The following PDE4D variants were observed in gnomAD, a reference collection of about 807,000 sequenced individuals.
The protein encoded by PDE4D is phosphodiesterase 4D, also known as 3',5'-cyclic-AMP phosphodiesterase 4D.
PDE4D carries 24 observed loss-of-function variants against 87.4 expected under a neutral mutation model. That is an observed-to-expected ratio of 0.27 (90% CI 0.20 to 0.39). PDE4D has a LOEUF of 0.39. PDE4D is among the 10% of genes least tolerant of loss of function. The probability of loss-of-function intolerance (pLI) is 1.00; values close to 1 mark genes in which losing one functional copy is unlikely to be tolerated. For missense variants in PDE4D, 714 were observed against 1,041.0 expected, an observed-to-expected ratio of 0.69 and a Z score of 4.32; for synonymous variants, 384 against 383.2, an observed-to-expected ratio of 1.00 and a Z score of -0.02.
intron 2 of PDE4D, among the ~76,000 whole-genome samples, chr5:60,166,936 T>TA (rs1021866918): frequency 1.3e-5 from 2 of 152,160 alleles, no homozygotes; most frequent in Non-Finnish European, 2.9e-5. Context: ...AAAATGCCCT[T>TA]ATGTGTTGTA....
At chr5:60,218,296 A>G (rs764114474) in intron 1 of PDE4D, among the ~76,000 whole-genome samples, 2 of 152,076 alleles carry the variant, frequency 1.3e-5, no homozygotes, top group African/African-American at 4.8e-5. Flanking sequence ...AAGAACAAGA[A>G]CAGGCAAAAT....
chr5:59,556,303 T>C (rs757057273), intron 1 of PDE4D, among the ~76,000 whole-genome samples: 1 of 152,156 alleles, frequency 6.6e-6, no homozygotes. Flanking sequence ...AAATTCTCTC[T>C]CATTCTCTGT....
intron 2 of PDE4D, among the ~76,000 whole-genome samples, chr5:60,105,250 G>A (rs1258376380): frequency 6.6e-6 from 1 of 152,212 alleles, no homozygotes; most frequent in African/African-American, 2.4e-5. Flanking sequence ...TCAACTGGAA[G>A]AAAGGGTATC....
intron 1 of PDE4D, among the ~76,000 whole-genome samples, chr5:59,234,762 A>C (rs1037875667): frequency 6.6e-6 from 1 of 152,200 alleles, no homozygotes; most frequent in Non-Finnish European, 1.5e-5. Flanking sequence ...TCAGTTTTTT[A>C]AACTTGGGGG....
intron 1 of PDE4D, among the ~76,000 whole-genome samples, chr5:59,835,576 T>C (rs1441076787): frequency 6.6e-6 from 1 of 152,060 alleles, no homozygotes; most frequent in Non-Finnish European, 1.5e-5. Flanking sequence ...TGCATACATA[T>C]ACATCACTTA....
intron 2 of PDE4D, among the ~76,000 whole-genome samples, chr5:59,214,957 T>G (rs1750900835): frequency 1.3e-5 from 2 of 152,130 alleles, no homozygotes; most frequent in Non-Finnish European, 2.9e-5. Flanking sequence ...ATGGGTGTCA[T>G]GAAAAGATGG....
rs182566356 is a variant in PDE4D at position 59,686,385 on chromosome 5, C to T, written c.455+206783G>A. 3.9e-5 allele frequency among the ~76,000 whole-genome samples: 6 copies of T among 152,186 alleles called. No homozygotes were observed. The East Asian group carries it at 5.8e-4, about 15-fold the overall frequency. On this transcript the variant is annotated intron_variant, in intron 1 of 14. Transcript: ENST00000340635. ...GGAAGTTCATTAACTTGCCTAAAGT[C>T]GCTCACACAACTAGAAAGTGTTGGA...
At chr5:60,363,097 A>T (rs1251968049) in intron 1 of PDE4D, among the ~76,000 whole-genome samples, 4 of 152,154 alleles carry the variant, frequency 2.6e-5, no homozygotes, top group African/African-American at 9.7e-5. Context: ...ATAGGCTCAA[A>T]GCAAACTAGA....
chr5:59,786,011 A>G (rs548604738), intron 1 of PDE4D, among the ~76,000 whole-genome samples: 2 of 150,114 alleles, frequency 1.3e-5, no homozygotes, highest in Admixed American at 6.7e-5. Context: ...GGGTGGGGGG[A>G]ACTGGCAGTG....
At chr5:60,401,239 A>G (rs566644780) in intron 1 of PDE4D, among the ~76,000 whole-genome samples, 1 of 152,342 alleles carries the variant, frequency 6.6e-6, no homozygotes, top group East Asian at 1.9e-4. Context: ...AGACTGCACA[A>G]AAAGCCGGCT....
At chr5:59,790,945 C>T (rs1765714916) in intron 1 of PDE4D, among the ~76,000 whole-genome samples, 1 of 152,202 alleles carries the variant, frequency 6.6e-6, no homozygotes, top group Non-Finnish European at 1.5e-5. Flanking sequence ...ACTCCACCCT[C>T]GCCCTGGGAT....
chr5:60,172,540 C>T (rs1160456596), intron 2 of PDE4D, among the ~76,000 whole-genome samples: 2 of 152,050 alleles, frequency 1.3e-5, no homozygotes, highest in Admixed American at 1.3e-4. Flanking sequence ...CCTGTTTTGT[C>T]TCTAGGAGGA....
At chr5:60,014,210 T>C (rs1373110259) in intron 2 of PDE4D, among the ~76,000 whole-genome samples, 1 of 151,772 alleles carries the variant, frequency 6.6e-6, no homozygotes, top group East Asian at 1.9e-4. Flanking sequence ...GGTATATGAC[T>C]GAAACTTTCT....
chr5:60,415,409 T>C (rs1742407335), intron 1 of PDE4D, among the ~76,000 whole-genome samples: 1 of 152,224 alleles, frequency 6.6e-6, no homozygotes, highest in East Asian at 1.9e-4. Context: ...CTTTCTCGGC[T>C]GGCCAAGGCC....
At chr5:60,133,998 A>G (rs576044891) in intron 2 of PDE4D, among the ~76,000 whole-genome samples, 1 of 152,348 alleles carries the variant, frequency 6.6e-6, no homozygotes, top group Non-Finnish European at 1.5e-5. Context: ...AGTAAAAATC[A>G]TAGATACCTT....
intron 1 of PDE4D, among the ~76,000 whole-genome samples, chr5:59,689,085 A>G (rs12152908): frequency 0.17 from 26,277 of 152,182 alleles, 3,069 homozygotes; most frequent in South Asian, 0.26. Context: ...TTAATAGCCT[A>G]CCAACCAAAA....
chr5:59,471,093 T>C (rs1802366616), intron 1 of PDE4D, among the ~76,000 whole-genome samples: 1 of 151,918 alleles, frequency 6.6e-6, no homozygotes, highest in African/African-American at 2.4e-5. Flanking sequence ...AATTAAAAAA[T>C]ACATAGCCAG....
chr5:60,208,475 T>G (rs1742807349), intron 1 of PDE4D, among the ~76,000 whole-genome samples: 1 of 152,136 alleles, frequency 6.6e-6, no homozygotes, highest in African/African-American at 2.4e-5. Context: ...AAGTTTTGGC[T>G]ACAGCAAATC....
chr5:60,172,859 G>A (rs1275893459), intron 2 of PDE4D, among the ~76,000 whole-genome samples: 1 of 151,966 alleles, frequency 6.6e-6, no homozygotes, highest in Admixed American at 6.6e-5. Context: ...GAGCAGTCAG[G>A]GGACAAGTTT....
Sources: gnomAD v4.1 joint callset for allele counts (sites outside exome capture counted in the v4.1 genomes callset) on GRCh38, gnomAD v4.1.1 for gene constraint, MANE v1.5 for transcripts, NCBI Gene and HGNC (gene_info 2026-07-23, HGNC 2026-07-21) for gene names.